Variants in SMG7 observed in about 807,000 individuals in gnomAD.
SMG7 encodes the protein nonsense-mediated mRNA decay factor SMG7.
SMG7 carries 34 observed loss-of-function variants against 148.2 expected under a neutral mutation model. The observed-to-expected ratio is 0.23, with a 90% CI of 0.17 to 0.31. The LOEUF is 0.31. Among genes scored for constraint, SMG7 ranks in the 10% least tolerant of loss-of-function variants. The pLI is 1.00. For missense variants in SMG7, 1,114 were observed against 1,408.4 expected (o/e 0.79, Z 3.35); for synonymous variants, 492 against 515.1 (o/e 0.96, Z 0.61).
At chr1:183,517,247 A>G (rs1571946456) in intron 3 of SMG7, among the ~76,000 whole-genome samples, 1 of 152,356 alleles carries the variant, frequency 6.6e-6, no homozygotes, top group African/African-American at 2.4e-5. Flanking sequence ...ACTTTTGGGG[A>G]AGTAAGAGAT....
intron 1 of SMG7, chr1:183,473,781 C>T (rs1329984357): frequency 1.6e-5 from 16 of 984,964 alleles, no homozygotes; most frequent in Non-Finnish European, 1.9e-5. Flanking sequence ...TGTTTCATAC[C>T]TTGCGGAGGA....
At position 183,529,047 on chromosome 1, in the gene SMG7, G is replaced by T; in HGVS notation, c.707+5G>T. ...ACTTTCTAAAGCACTGGAAAGGTAGGGTTGTTTGGTTTTTTTTTTCTCTTT... is the reference window on the plus strand; with the variant it reads ...ACTTTCTAAAGCACTGGAAAGGTAGTGTTGTTTGGTTTTTTTTTTCTCTTT... On this transcript the variant is annotated splice_donor_5th_base_variant and intron_variant, in intron 7 of 22. Coordinates refer to ENST00000688051, the MANE Select transcript of SMG7 (RefSeq NM_001375584.1). 6.3e-7 allele frequency: 1 copy of T among 1,589,356 alleles called. No homozygotes were observed.
chr1:183,485,195 G>A (rs1484833550), intron 1 of SMG7, among the ~76,000 whole-genome samples: 1 of 152,146 alleles, frequency 6.6e-6, no homozygotes, highest in Non-Finnish European at 1.5e-5. Flanking sequence ...CTAGATATCA[G>A]GCTGATTCTA....
Position 183,541,147 on chromosome 1 carries a change from T to G in SMG7, c.1415+44T>G, listed in dbSNP as rs759131719. ...GTCTACCCCTTTTTAACCACCTTTT[T>G]AGATAAACACATGCGCGCACACGCG... On this transcript the variant is annotated intron_variant, in intron 13 of 22. Coordinates refer to ENST00000688051, the MANE Select transcript of SMG7 (RefSeq NM_001375584.1). The G allele has an allele frequency of 2.2e-5, 35 of 1,594,606 alleles. No homozygotes were observed. The South Asian group carries it at 3.8e-4, about 17-fold the overall frequency.
chr1:183,539,256 A>G (rs1668355443), intron 12 of SMG7, among the ~76,000 whole-genome samples: 1 of 152,098 alleles, frequency 6.6e-6, no homozygotes, highest in African/African-American at 2.4e-5. Flanking sequence ...AGATACCAAA[A>G]TCCAGTGACT....
At chr1:183,506,374 C>T (rs1660890368) in intron 1 of SMG7, among the ~76,000 whole-genome samples, 1 of 152,202 alleles carries the variant, frequency 6.6e-6, no homozygotes, top group Non-Finnish European at 1.5e-5. Flanking sequence ...GCAGCATCTT[C>T]TCTAGATTTT....
At chr1:183,538,572 A>G in intron 12 of SMG7, 132 bp downstream of exon 12, 1 of 690,130 alleles carries the variant, frequency 1.4e-6, no homozygotes, top group Non-Finnish European at 2.6e-6. Flanking sequence ...GTCAACTAAT[A>G]CTGAAAGTTG....
intron 1 of SMG7, among the ~76,000 whole-genome samples, chr1:183,499,994 AG>A (rs1166799128): frequency 2.6e-5 from 4 of 152,176 alleles, no homozygotes; most frequent in African/African-American, 7.2e-5. Context: ...AAGAAGGTAC[AG>A]GGGTTGTTGC....
intron 1 of SMG7, chr1:183,472,943 A>T: frequency 1.3e-4 from 44 of 326,486 alleles, no homozygotes; most frequent in Non-Finnish European, 1.6e-4. Flanking sequence ...TTTGCTAGCG[A>T]GGGGTGGAGA....
intron 1 of SMG7, among the ~76,000 whole-genome samples, chr1:183,507,690 A>G (rs1661235464): frequency 6.6e-6 from 1 of 152,186 alleles, no homozygotes; most frequent in Admixed American, 6.5e-5. Flanking sequence ...ATTCTAATGT[A>G]CCTAGTACCT....
rs573583609 is a variant in SMG7, at chr1:183,480,973, A to T, written c.29+8324A>T. Reference sequence around the variant, plus strand: ...TCTCCTAAAATTGCTGTCAGTGTTAACAAAGGTTTACATGTGTTTAACAAA... The same window carrying T: ...TCTCCTAAAATTGCTGTCAGTGTTATCAAAGGTTTACATGTGTTTAACAAA... On this transcript the variant is annotated intron_variant, in intron 1 of 22. Coordinates refer to ENST00000688051, the MANE Select transcript of SMG7 (RefSeq NM_001375584.1). Among the ~76,000 whole-genome samples, 20 of 152,354 alleles carry T rather than the reference A, an allele frequency of 1.3e-4. No individual in the cohort carries two copies. The East Asian group carries it at 3.9e-3, about 29-fold the overall frequency.
intron 10 of SMG7, among the ~76,000 whole-genome samples, chr1:183,536,656 A>C (rs188784806): frequency 6.6e-6 from 1 of 152,266 alleles, no homozygotes; most frequent in African/African-American, 2.4e-5. Context: ...CTTTTGTAAA[A>C]ATGTGGACTT....
rs147115372 is a variant in SMG7 at position 183,551,860 on chromosome 1, C to G, written c.3493C>G (p.Leu1165Val). ...SSMMHPGPSA[L>V]EQLLMQQKQK... ...CATGATGCATCCTGGACCTTCTGCT[C>G]TGGAGCAGCTGTTAATGCAGCAGAA... Residue 1165 changes from leucine to valine, a missense_variant, in exon 23 of 23, where the codon CTG becomes GTG. By Grantham distance (32) the Leu-to-Val change is conservative. This residue lies in a region of SMG7 where 788 missense variants were observed against 894.5 expected (regional missense o/e 0.88). Coordinates refer to ENST00000688051, the MANE Select transcript of SMG7 (RefSeq NM_001375584.1). 1 of 1,613,624 alleles carries G rather than the reference C, an allele frequency of 6.2e-7. No individual in the cohort carries two copies. Among genetic ancestry groups the G allele is most frequent in the Non-Finnish European group, 8.5e-7 (1 of 1,179,818 alleles).
At chr1:183,543,970 T>C (rs906816002) in intron 14 of SMG7, among the ~76,000 whole-genome samples, 2 of 152,210 alleles carry the variant, frequency 1.3e-5, no homozygotes, top group African/African-American at 4.8e-5. Flanking sequence ...ATAATTCATG[T>C]ATGTCGTTTA....
intron 1 of SMG7, among the ~76,000 whole-genome samples, chr1:183,475,831 G>A (rs1652028287): frequency 6.6e-6 from 1 of 152,144 alleles, no homozygotes; most frequent in South Asian, 2.1e-4. Context: ...TTCCTTAGAT[G>A]TGGAATCAAT....
intron 1 of SMG7, among the ~76,000 whole-genome samples, chr1:183,497,377 C>T (rs1162054823): frequency 6.6e-6 from 1 of 152,116 alleles, no homozygotes; most frequent in Non-Finnish European, 1.5e-5. Flanking sequence ...TGTGCCAGTG[C>T]TTACAAAGTC....
intron 1 of SMG7, among the ~76,000 whole-genome samples, chr1:183,512,481 T>C (rs1456601753): frequency 1.3e-5 from 2 of 152,220 alleles, no homozygotes; most frequent in East Asian, 3.9e-4. Flanking sequence ...TTGAGAAACA[T>C]AGTAGGTTTT....
At chr1:183,506,632 G>A (rs961861340) in intron 1 of SMG7, among the ~76,000 whole-genome samples, 1 of 150,014 alleles carries the variant, frequency 6.7e-6, no homozygotes, top group Non-Finnish European at 1.5e-5. Flanking sequence ...AAATTAACTT[G>A]TGGCTTTTGG....
chr1:183,529,664 G>A (rs1419810850), intron 8 of SMG7, 131 bp downstream of exon 8: 1 of 690,054 alleles, frequency 1.4e-6, no homozygotes, highest in Non-Finnish European at 2.4e-6. Flanking sequence ...TTCGAAGTAT[G>A]TGAAATCTTT....
Sources: allele counts gnomAD v4.1 joint callset (sites outside exome capture counted in the v4.1 genomes callset), GRCh38; gene constraint gnomAD v4.1.1; regional missense constraint gnomAD v4.1.1; transcripts MANE v1.5; gene names NCBI Gene and HGNC (gene_info 2026-07-23, HGNC 2026-07-21).